The following LPCAT3 variants were observed in gnomAD, a reference collection of about 807,000 sequenced individuals.
LPCAT3 encodes the protein lysophospholipid acyltransferase 5.
In LPCAT3, 21 loss-of-function variants were observed where a neutral mutation model predicts 63.4. The observed-to-expected ratio is 0.33, with a 90% CI of 0.23 to 0.48. LPCAT3 has a LOEUF of 0.48. LPCAT3 is among the 20% of genes least tolerant of loss of function. The pLI is 0.99. For missense variants in LPCAT3, 451 were observed against 590.6 expected, an observed-to-expected ratio of 0.76 and a Z score of 2.45; for synonymous variants, 242 against 227.5, an observed-to-expected ratio of 1.06 and a Z score of -0.58.
At chr12:6,990,781 G>T (rs1946581894) in intron 1 of LPCAT3, among the ~76,000 whole-genome samples, 1 of 150,976 alleles carries the variant, frequency 6.6e-6, no homozygotes, top group Non-Finnish European at 1.5e-5. Context: ...GCCAGACATG[G>T]TGGCAGGCGC....
intron 1 of LPCAT3, among the ~76,000 whole-genome samples, chr12:6,995,720 T>G (rs1754661525): frequency 6.6e-6 from 1 of 152,056 alleles, no homozygotes; most frequent in African/African-American, 2.4e-5. Context: ...CGGGGTAATC[T>G]TCCTTCAGCT....
chr12:7,015,063 G>C (rs782064762), intron 1 of LPCAT3, among the ~76,000 whole-genome samples: 21 of 152,200 alleles, frequency 1.4e-4, no homozygotes, highest in Admixed American at 1.1e-3. Context: ...TGTGTTCTGG[G>C]TCACAATGTA....
At chr12:7,013,913 T>C (rs1403186716) in intron 1 of LPCAT3, among the ~76,000 whole-genome samples, 5 of 152,152 alleles carry the variant, frequency 3.3e-5, no homozygotes, top group African/African-American at 1.2e-4. Context: ...ACTAACTCTT[T>C]ACCTTGGCTT....
intron 7 of LPCAT3, chr12:6,978,917 AC>A (rs1946439170): frequency 1.8e-6 from 1 of 552,842 alleles, no homozygotes; most frequent in Non-Finnish European, 3.1e-6. Flanking sequence ...CAAGGGCAGC[AC>A]TGTATTTAAC....
intron 1 of LPCAT3, among the ~76,000 whole-genome samples, chr12:6,992,337 CA>C (rs1319251469): frequency 1.3e-5 from 2 of 149,990 alleles, no homozygotes; most frequent in Admixed American, 6.7e-5. Context: ...AAAAAAAAAA[CA>C]AAAAAAATTT....
intron 1 of LPCAT3, among the ~76,000 whole-genome samples, chr12:7,000,824 A>G (rs1418673072): frequency 3.3e-5 from 5 of 151,496 alleles, no homozygotes; most frequent in African/African-American, 1.2e-4. Context: ...CTCCTGCCTC[A>G]GCCTCCTGGG....
At chr12:6,995,871 C>T (rs1946631996) in intron 1 of LPCAT3, among the ~76,000 whole-genome samples, 1 of 152,124 alleles carries the variant, frequency 6.6e-6, no homozygotes, top group Admixed American at 6.6e-5. Flanking sequence ...TTGCCACTAT[C>T]TCTGGATTAT....
Position 6,977,310 on chromosome 12 carries a change from G to A in LPCAT3, c.1348-48C>T. On this transcript the variant is annotated intron_variant, in intron 11 of 12. Coordinates refer to ENST00000261407, the MANE Select transcript of LPCAT3 (RefSeq NM_005768.6). The surrounding 1 kb of genome is among the most constrained non-coding windows in gnomAD (Gnocchi z 4.5). ...GGTAGACAGGCCTGGAGTGTCCTTT[G>A]CAACCTTTGAGGTTGCAGTGAGTCC... 1 of 1,612,008 alleles carries A rather than the reference G, an allele frequency of 6.2e-7. No homozygotes were observed. Among genetic ancestry groups the A allele is most frequent in the Non-Finnish European group, 8.5e-7 (1 of 1,178,184 alleles).
Position 6,978,381 on chromosome 12 carries a change from T to C in LPCAT3, c.1000A>G (p.Ile334Val). 5 of 1,613,566 alleles carry C rather than the reference T, an allele frequency of 3.1e-6. No homozygotes were observed. The highest frequency in any genetic ancestry group is 4.2e-6 in the Non-Finnish European group (5 of 1,179,820). ...TTGGTGTTGATGTTGAATGAGGCAATGGTGCCAGTGAAGCGGGGGTTTGTT... is the reference window on the plus strand; with the variant it reads ...TTGGTGTTGATGTTGAATGAGGCAACGGTGCCAGTGAAGCGGGGGTTTGTT... ...FETNPRFTGTIASFNINTNAW... is the reference protein window; with the variant it reads ...FETNPRFTGTVASFNINTNAW... Residue 334 changes from isoleucine to valine, a missense_variant, in exon 9 of 13, where the codon ATT becomes GTT. By Grantham distance (29) the Ile-to-Val change is conservative. This residue lies in a region of LPCAT3 where 304 missense variants were observed against 390.8 expected (regional missense o/e 0.78). Transcript: ENST00000261407.
intron 7 of LPCAT3, 80 bp downstream of exon 7, chr12:6,979,391 C>T (rs1435796150): frequency 9.6e-7 from 1 of 1,043,144 alleles, no homozygotes; most frequent in Non-Finnish European, 1.5e-6. Context: ...TCCTACTTCT[C>T]TGCTATCTGT....
chr12:7,011,118 G>A (rs930747351), intron 1 of LPCAT3, among the ~76,000 whole-genome samples: 2 of 152,042 alleles, frequency 1.3e-5, no homozygotes, highest in South Asian at 2.1e-4. Context: ...TGAGTTGAGC[G>A]GAGGACCCCG....
Position 7,014,892 on chromosome 12 carries a change from C to CAAAAAAAAA in LPCAT3, c.151+3373_151+3381dup, listed in dbSNP as rs375839002. On this transcript the variant is annotated intron_variant, in intron 1 of 12. Coordinates refer to ENST00000261407, the MANE Select transcript of LPCAT3 (RefSeq NM_005768.6). ...TGGGTGACAGAGCGAGACTCCGTCT[C>CAAAAAAAAA]AAAAAAAAAAAAAAAAAAAAAATTG... Among the ~76,000 whole-genome samples, 143 of 57,550 alleles carry CAAAAAAAAA rather than the reference C, an allele frequency of 2.5e-3. No individual in the cohort carries two copies. The Middle Eastern group carries it at 0.035, about 14-fold the overall frequency. The allele number at this position is 57,550 out of a possible 152,430, so 37.8% of individuals were successfully genotyped here. A position where few individuals can be genotyped will look rare whatever the true frequency, so the allele number is the denominator to read the frequency against.
rs1946490588 is a variant in LPCAT3, at chr12:6,983,443, T to G, written c.248A>C (p.Tyr83Ser). Residue 83 changes from tyrosine to serine, a missense_variant, in exon 2 of 13, where the codon TAT becomes TCT. Around this residue, in one of 3 missense-constraint regions of LPCAT3, gnomAD observed 133 missense variants for 152.1 expected, o/e 0.87. Coordinates refer to ENST00000261407, the MANE Select transcript of LPCAT3 (RefSeq NM_005768.6). The part of the protein sequence containing the change: ...FHTFTGLSIA[Y>S]FNFGNQLYHS... ...TTTAGTTTACTCACCAAAGTTAAAA[T>G]AAGCAATTGAGAGGCCTGTAAAGGT... is the stretch of plus-strand genomic sequence containing the variant. 6.2e-7 allele frequency: 1 copy of G among 1,602,394 alleles called. No individual in the cohort carries two copies. The highest frequency in any genetic ancestry group is 1.3e-5 in the African/African-American group (1 of 74,496).
In LPCAT3 at chr12:6,979,471, G is replaced by A. The variant is rs781959226; in HGVS notation, c.786C>T (p.Asp262=). 12 of 1,601,944 alleles carry A rather than the reference G, an allele frequency of 7.5e-6. No individual in the cohort carries two copies. Among genetic ancestry groups the A allele is most frequent in the Admixed American group, 1.7e-5 (1 of 60,004 alleles). Residue 262 remains aspartate (D), a splice_region_variant and synonymous_variant, in exon 7 of 13, where the codon GAC becomes GAT. Transcript: ENST00000261407. ...TGCTGCTGCTTTAGTAGACACTCAC[G>A]TCATAGTCTTCAGTGAGGAGATAGT... ...TEDYLLTEDY[D]NHPFWFRCMY...
intron 3 of LPCAT3, 98 bp downstream of exon 3, chr12:6,982,578 A>AT (rs1946481434): frequency 1.1e-6 from 1 of 871,902 alleles, no homozygotes; most frequent in Non-Finnish European, 1.9e-6. Context: ...GGGGTTAGAA[A>AT]TTAGGTCTGC....
In LPCAT3 at chr12:6,984,958, T is replaced by C. The variant is rs1002955711; in HGVS notation, c.152-1419A>G. ...TGGGCAATACAGTTTACTGTGAGTT[T>C]GCTTAACTCTAAAACGCTTAGAATA... On this transcript the variant is annotated intron_variant, in intron 1 of 12. Coordinates refer to ENST00000261407, the MANE Select transcript of LPCAT3 (RefSeq NM_005768.6). Among the ~76,000 whole-genome samples the C allele has an allele frequency of 4.6e-5, 7 of 152,274 alleles. No individual in the cohort carries two copies. In the East Asian group the frequency reaches 1.3e-3, roughly 29 times the overall value.
chr12:6,976,578 A>C lies in LPCAT3; in HGVS notation c.*326T>G, dbSNP rs1421735349. The C allele has an allele frequency of 3.9e-5, 6 of 152,918 alleles. No individual in the cohort carries two copies. Among genetic ancestry groups the C allele is most frequent in the African/African-American group, 1.4e-4 (6 of 41,446 alleles). 9.5% of individuals were successfully genotyped at this position (152,918 alleles called of 1,614,324 possible). A position where few individuals can be genotyped will look rare whatever the true frequency, so the allele number is the denominator to read the frequency against. The stretch of plus-strand genomic sequence containing the variant: ...CGTTTCTACTGAAAATACAAAAATT[A>C]GCTGGGCATGGTGGCGTGCCTGTAT... On this transcript the variant is annotated 3_prime_UTR_variant, in exon 13 of 13. Coordinates refer to ENST00000261407, the MANE Select transcript of LPCAT3 (RefSeq NM_005768.6).
chr12:7,001,066 A>C (rs1302571540), intron 1 of LPCAT3, among the ~76,000 whole-genome samples: 1 of 152,182 alleles, frequency 6.6e-6, no homozygotes, highest in African/African-American at 2.4e-5. Context: ...CAGAAATTTG[A>C]GCCACCTAGG....
At chr12:6,995,551 T>C (rs1555155942) in intron 1 of LPCAT3, among the ~76,000 whole-genome samples, 1 of 152,132 alleles carries the variant, frequency 6.6e-6, no homozygotes. Context: ...GATTCCTCCT[T>C]TCCAGTCTCT....
Sources: allele counts gnomAD v4.1 joint callset (sites outside exome capture counted in the v4.1 genomes callset), GRCh38; gene constraint gnomAD v4.1.1; regional missense constraint gnomAD v4.1.1; non-coding constraint Gnocchi (gnomAD v3.1); transcripts MANE v1.5; gene names NCBI Gene and HGNC (gene_info 2026-07-23, HGNC 2026-07-21).